Variants in GUCY2C observed in about 807,000 individuals in gnomAD.
GUCY2C encodes the protein guanylate cyclase 2C.
In GUCY2C, 118 loss-of-function variants were observed where a neutral mutation model predicts 131.1. The observed-to-expected ratio is 0.90, with a 90% CI of 0.78 to 1.05. The LOEUF (loss-of-function observed/expected upper bound fraction) is 1.05, where lower values mean the gene tolerates loss of function less well. Ranked by LOEUF, GUCY2C falls within the 50% of genes least tolerant of loss-of-function variation. The pLI, the probability that GUCY2C is intolerant of heterozygous loss-of-function variation, is 0.00. For missense variants in GUCY2C, 1,161 were observed against 1,304.4 expected, an observed-to-expected ratio of 0.89 and a Z score of 1.69; for synonymous variants, 452 against 457.8, an observed-to-expected ratio of 0.99 and a Z score of 0.16.
intron 19 of GUCY2C, among the ~76,000 whole-genome samples, chr12:14,637,346 A>G (rs918725170): frequency 1.3e-5 from 2 of 152,182 alleles, no homozygotes; most frequent in Non-Finnish European, 2.9e-5. Context: ...TAATATCACT[A>G]AAATGATTAT....
At chr12:14,672,529 AC>A (rs1948136045) in intron 9 of GUCY2C, among the ~76,000 whole-genome samples, 1 of 152,116 alleles carries the variant, frequency 6.6e-6, no homozygotes, top group Non-Finnish European at 1.5e-5. Flanking sequence ...CTTAGGAAAG[AC>A]TTGTGATCCT....
intron 11 of GUCY2C, among the ~76,000 whole-genome samples, chr12:14,660,619 A>G (rs747655637): frequency 6.6e-5 from 10 of 152,200 alleles, no homozygotes; most frequent in Non-Finnish European, 1.0e-4. Flanking sequence ...TTATCTATAT[A>G]TGCTTATTAT....
intron 15 of GUCY2C, among the ~76,000 whole-genome samples, chr12:14,647,083 A>T (rs1947537129): frequency 6.6e-6 from 1 of 152,106 alleles, no homozygotes; most frequent in Non-Finnish European, 1.5e-5. Context: ...TGGGAAAAGA[A>T]CCTTTTGTGG....
chr12:14,632,246 T>C (rs527507888), intron 19 of GUCY2C, among the ~76,000 whole-genome samples: 8 of 152,274 alleles, frequency 5.3e-5, no homozygotes, highest in African/African-American at 1.9e-4. Context: ...ATCCCATTTG[T>C]CAATTTTGGC....
intron 11 of GUCY2C, among the ~76,000 whole-genome samples, chr12:14,659,526 C>T (rs1414529164): frequency 1.3e-5 from 2 of 152,092 alleles, no homozygotes; most frequent in East Asian, 1.9e-4. Flanking sequence ...CTTAATGTCC[C>T]CTAAGCAGAA....
chr12:14,652,154 TGA>T, intron 13 of GUCY2C, 124 bp from the exon 14 acceptor site: 1 of 357,296 alleles, frequency 2.8e-6, no homozygotes, highest in Non-Finnish European at 5.0e-6. Flanking sequence ...AGTATTTGAT[TGA>T]TTTTTTATAT....
chr12:14,619,150 A>AGTTGCCCTCTGCT lies in GUCY2C; in HGVS notation c.2875+48_2875+60dup, dbSNP rs1352468223. 1.3e-5 allele frequency: 12 copies of AGTTGCCCTCTGCT among 918,766 alleles called. No homozygotes were observed. In the African/African-American group the frequency reaches 1.9e-4, roughly 15 times the overall value. The allele number at this position is 918,766 out of a possible 1,614,324, so 56.9% of individuals were successfully genotyped here. A position where few individuals can be genotyped will look rare whatever the true frequency, so the allele number is the denominator to read the frequency against. On this transcript the variant is annotated intron_variant, in intron 24 of 26. Transcript: ENST00000261170. ...CTCCTTATTGTGCATTTTATCTCACAGTTGCCCTCTGCTGGAAAACAGCAT... is the reference window on the plus strand; with the variant it reads ...CTCCTTATTGTGCATTTTATCTCACAGTTGCCCTCTGCTGTTGCCCTCTGCTGGAAAACAGCAT...
At chr12:14,681,534 C>T (rs1592142930) in intron 4 of GUCY2C, 57 bp from the exon 5 acceptor site, 1 of 1,428,952 alleles carries the variant, frequency 7.0e-7, no homozygotes, top group Non-Finnish European at 9.8e-7. Context: ...CCTTTCATGC[C>T]TTTCACTTCT....
intron 1 of GUCY2C, among the ~76,000 whole-genome samples, chr12:14,693,392 C>T (rs137924614): frequency 7.9e-5 from 12 of 152,026 alleles, no homozygotes; most frequent in African/African-American, 2.7e-4. Flanking sequence ...GTCATGAAGT[C>T]GAAGGAATCT....
At chr12:14,655,385 G>A (rs1947743704) in intron 12 of GUCY2C, among the ~76,000 whole-genome samples, 1 of 152,106 alleles carries the variant, frequency 6.6e-6, no homozygotes, top group Non-Finnish European at 1.5e-5. Context: ...TTCTGTTGAG[G>A]TTCAGAATGC....
chr12:14,665,441 C>T (rs1400610377), intron 10 of GUCY2C, among the ~76,000 whole-genome samples: 1 of 152,070 alleles, frequency 6.6e-6, no homozygotes, highest in Non-Finnish European at 1.5e-5. Flanking sequence ...AGGGAGATTA[C>T]GGGCACTTTG....
intron 19 of GUCY2C, among the ~76,000 whole-genome samples, chr12:14,632,954 C>G (rs1236439286): frequency 6.6e-6 from 1 of 152,192 alleles, no homozygotes; most frequent in Admixed American, 6.5e-5. Context: ...ACAGCCACTA[C>G]CAACACCAGT....
At chr12:14,687,048 C>T (rs1948485481) in intron 2 of GUCY2C, among the ~76,000 whole-genome samples, 1 of 152,098 alleles carries the variant, frequency 6.6e-6, no homozygotes, top group Non-Finnish European at 1.5e-5. Flanking sequence ...CTCTTTATTT[C>T]CTTAAAGCTC....
intron 19 of GUCY2C, among the ~76,000 whole-genome samples, chr12:14,634,492 C>T (rs950557375): frequency 6.6e-5 from 10 of 152,156 alleles, no homozygotes; most frequent in African/African-American, 1.9e-4. Flanking sequence ...AGAGAAGGGT[C>T]TCAAAGGTTA....
intron 15 of GUCY2C, 113 bp from the exon 16 acceptor site, chr12:14,645,428 A>G (rs1947500785): frequency 3.3e-6 from 2 of 604,412 alleles, no homozygotes; most frequent in South Asian, 4.0e-5. Context: ...GATCAGGAAC[A>G]AATTGGAATT....
At position 14,661,062 on chromosome 12, in the gene GUCY2C, C is replaced by T; in HGVS notation, c.1283G>A (p.Gly428Asp). The T allele has an allele frequency of 6.2e-7, 1 of 1,605,916 alleles. No individual in the cohort carries two copies. Among genetic ancestry groups the T allele is most frequent in the Non-Finnish European group, 8.5e-7 (1 of 1,172,640 alleles). Residue 428 changes from glycine to aspartate, a missense_variant and splice_region_variant, in exon 11 of 27, where the codon GGC (glycine) becomes GAC (aspartate). Gly to Asp is a moderately conservative substitution (Grantham distance 94). Coordinates refer to ENST00000261170, the MANE Select transcript of GUCY2C (RefSeq NM_004963.4). Reference sequence around the variant, plus strand: ...GACTGCAATCATCAGGATCTGAGGGCCTGTGGCGGAAAATGCGTTAGGAAG... The same window carrying T: ...GACTGCAATCATCAGGATCTGAGGGTCTGTGGCGGAAAATGCGTTAGGAAG... ...SKLPNDITGR[G>D]PQILMIAVFT...
chr12:14,680,053 G>A (rs547956992), intron 5 of GUCY2C, among the ~76,000 whole-genome samples: 100 of 152,212 alleles, frequency 6.6e-4, no homozygotes, highest in African/African-American at 2.3e-3. Flanking sequence ...GACAAAGACA[G>A]CTCTGACAGT....
At chr12:14,671,859 T>C (rs1330956650) in intron 9 of GUCY2C, among the ~76,000 whole-genome samples, 3 of 152,234 alleles carry the variant, frequency 2.0e-5, no homozygotes, top group Non-Finnish European at 2.9e-5. Context: ...TCTTACGGAA[T>C]GTATGCGAAA....
chr12:14,628,767 T>C, intron 19 of GUCY2C, 30 bp from the exon 20 acceptor site: 1 of 1,037,036 alleles, frequency 9.6e-7, no homozygotes, highest in Non-Finnish European at 1.5e-6. Context: ...GCAAATTAGC[T>C]AAGGGGATAG....
Sources: gnomAD v4.1 joint callset for allele counts (sites outside exome capture counted in the v4.1 genomes callset) on GRCh38, gnomAD v4.1.1 for gene constraint, MANE v1.5 for transcripts, NCBI Gene and HGNC (gene_info 2026-07-23, HGNC 2026-07-21) for gene names.